SULT2A1: variants seen among roughly 807,000 people sequenced by gnomAD.
SULT2A1 encodes sulfotransferase family 2A member 1.
SULT2A1 carries 43 observed loss-of-function variants against 33.9 expected under a neutral mutation model. The observed-to-expected ratio is 1.27, with a 90% CI of 1.00 to 1.64. The LOEUF is 1.64. Ranked by LOEUF, SULT2A1 falls within the 40% of genes most tolerant of loss-of-function variation. The pLI is 0.00. For missense variants in SULT2A1, 300 were observed against 335.1 expected (o/e 0.90, Z 0.82); for synonymous variants, 125 against 113.6 (o/e 1.10, Z -0.64).
intron 5 of SULT2A1, 151 bp from the exon 6 acceptor site, chr19:47,871,718 C>T: frequency 1.6e-6 from 1 of 618,060 alleles, no homozygotes; most frequent in African/African-American, 1.8e-5. Context: ...AGTTATTCAC[C>T]TAGCTGGAAA....
Position 47,884,107 on chromosome 19 carries a change from A to C in SULT2A1, c.137-322T>G, listed in dbSNP as rs185281703. Among the ~76,000 whole-genome samples, 422 of 150,698 alleles carry C rather than the reference A, an allele frequency of 2.8e-3. 3 individuals are homozygous for C. The highest frequency in any genetic ancestry group is 9.5e-3 in the African/African-American group (393 of 41,272). ...GCAACAGAGTGAGACTCAGTCTCAA[A>C]AAAAAAAACAAAAACAAAAACAAAA... On this transcript the variant is annotated intron_variant, in intron 1 of 5. Coordinates refer to ENST00000222002, the MANE Select transcript of SULT2A1 (RefSeq NM_003167.4).
intron 4 of SULT2A1, among the ~76,000 whole-genome samples, chr19:47,876,584 A>G (rs1968546065): frequency 6.6e-6 from 1 of 152,052 alleles, no homozygotes; most frequent in African/African-American, 2.4e-5. Flanking sequence ...AGCTTGGTCA[A>G]CGTGGTGAAA....
chr19:47,876,768 T>TAAA (rs34642376), intron 4 of SULT2A1, among the ~76,000 whole-genome samples: 36,139 of 84,878 alleles, frequency 0.43, 7,462 homozygotes, highest in East Asian at 0.58. Flanking sequence ...AGACTCTGTC[T>TAAA]AAAAAAAAAA....
rs954241085 is a variant in SULT2A1 at position 47,872,711 on chromosome 19, A to T, written c.746-1144T>A. ...TATTTTCTTTCTGTGGTGTATGTGT[A>T]TGGTATGTATCCCTAATATAGATAA... On this transcript the variant is annotated intron_variant, in intron 5 of 5. Coordinates refer to ENST00000222002, the MANE Select transcript of SULT2A1 (RefSeq NM_003167.4). 5.9e-5 allele frequency among the ~76,000 whole-genome samples: 9 copies of T among 151,270 alleles called. No individual in the cohort carries two copies. In the South Asian group the frequency reaches 1.9e-3, roughly 32 times the overall value.
At chr19:47,873,614 CTTTTTT>C (rs61271763) in intron 5 of SULT2A1, among the ~76,000 whole-genome samples, 18 of 62,106 alleles carry the variant, frequency 2.9e-4, no homozygotes, top group African/African-American at 1.4e-3. Context: ...GGACAGATCT[CTTTTTT>C]TTTTTTTTTT....
intron 3 of SULT2A1, 93 bp downstream of exon 3, chr19:47,881,991 C>G (rs1395759677): frequency 6.5e-7 from 1 of 1,547,378 alleles, no homozygotes; most frequent in East Asian, 2.3e-5. Context: ...CCTTTCAACC[C>G]ATGGGTTGGT....
intron 5 of SULT2A1, 106 bp from the exon 6 acceptor site, chr19:47,871,673 G>T: frequency 1.3e-6 from 1 of 745,178 alleles, no homozygotes. Context: ...AATGGCCGAT[G>T]GTTCGTGGTG....
At chr19:47,874,228 C>G (rs1474781865) in intron 5 of SULT2A1, among the ~76,000 whole-genome samples, 1 of 152,092 alleles carries the variant, frequency 6.6e-6, no homozygotes, top group Non-Finnish European at 1.5e-5. Flanking sequence ...GAGAAGTGTT[C>G]TGGGCGATGA....
rs1247329786 is a variant in SULT2A1, at chr19:47,883,714, G to A, written c.208C>T (p.Pro70Ser). 3 of 1,614,084 alleles carry A rather than the reference G, an allele frequency of 1.9e-6. No individual in the cohort carries two copies. The highest frequency in any genetic ancestry group is 1.3e-5 in the African/African-American group (1 of 75,032). ...ACCCAGGGTGATCGCTCCCAGATGG[G>A]CACAGATTGGATCCACTTGGCATCC... is the stretch of plus-strand genomic sequence containing the variant. Reference protein sequence around the residue: ...KGDAKWIQSVPIWERSPWVES... With the variant: ...KGDAKWIQSVSIWERSPWVES... Residue 70 changes from proline to serine, a missense_variant, in exon 2 of 6, where the codon CCC (proline) becomes TCC (serine). Coordinates refer to ENST00000222002, the MANE Select transcript of SULT2A1 (RefSeq NM_003167.4).
chr19:47,886,180 T>C lies in SULT2A1; in HGVS notation c.78A>G (p.Val26=), dbSNP rs1968654917. 6.2e-7 allele frequency: 1 copy of C among 1,614,016 alleles called. No individual in the cohort carries two copies. The highest frequency in any genetic ancestry group is 1.3e-5 in the African/African-American group (1 of 74,928). Reference sequence around the variant, plus strand: ...CATCCCTTATCACGAACTCATCACGTACTTTTCTTAAGGTTTCGGATCTGA... The same window carrying C: ...CATCCCTTATCACGAACTCATCACGCACTTTTCTTAAGGTTTCGGATCTGA... ...MGFRSETLRK[V]RDEFVIRDED... The change falls in exon 1 of 6, where the codon GTA becomes GTG. Residue 26 remains valine (V), a synonymous_variant. Transcript: ENST00000222002.
chr19:47,877,552 CTT>C (rs565116311), intron 4 of SULT2A1, among the ~76,000 whole-genome samples: 67 of 137,306 alleles, frequency 4.9e-4, no homozygotes, highest in Non-Finnish European at 4.3e-4. Flanking sequence ...CTTTTTCTTT[CTT>C]TTTTTTTTTT....
chr19:47,872,747 G>A (rs907641331), intron 5 of SULT2A1, among the ~76,000 whole-genome samples: 7 of 149,922 alleles, frequency 4.7e-5, no homozygotes, highest in East Asian at 1.9e-4. Flanking sequence ...GTTATACAAA[G>A]TCTCAGCATT....
intron 3 of SULT2A1, among the ~76,000 whole-genome samples, chr19:47,880,477 C>T (rs1007439937): frequency 1.3e-5 from 2 of 151,876 alleles, no homozygotes; most frequent in African/African-American, 4.8e-5. Flanking sequence ...TTAACATATT[C>T]ATTTCCTCAT....
At chr19:47,878,112 A>C (rs982316663) in intron 4 of SULT2A1, among the ~76,000 whole-genome samples, 2 of 152,134 alleles carry the variant, frequency 1.3e-5, no homozygotes, top group Non-Finnish European at 2.9e-5. Context: ...TCACCCAGAG[A>C]AATGTTTACA....
intron 2 of SULT2A1, 145 bp from the exon 3 acceptor site, chr19:47,882,355 A>T: frequency 9.8e-7 from 1 of 1,015,470 alleles, no homozygotes; most frequent in Non-Finnish European, 1.4e-6. Context: ...TACTGCACTC[A>T]CTAATCAAAT....
chr19:47,877,710 C>T (rs774963991), intron 4 of SULT2A1, among the ~76,000 whole-genome samples: 8 of 151,616 alleles, frequency 5.3e-5, no homozygotes, highest in Non-Finnish European at 1.0e-4. Flanking sequence ...CCACCATGCC[C>T]GGCTAATTTT....
Position 47,873,627 on chromosome 19 carries a change from T to C in SULT2A1, c.745+1030A>G, listed in dbSNP as rs981366391. On this transcript the variant is annotated intron_variant, in intron 5 of 5. Transcript: ENST00000222002. ...CAGGACAGATCTCTTTTTTTTTTTT[T>C]TTTTTTTTTTTTTTGAGACGGAGTC... Among the ~76,000 whole-genome samples the C allele has an allele frequency of 4.7e-4, 60 of 127,254 alleles. 1 individual carries two copies. Among genetic ancestry groups the C allele is most frequent in the Non-Finnish European group, 7.0e-4 (42 of 60,404 alleles). 83.5% of individuals were successfully genotyped at this position (127,254 alleles called of 152,430 possible). A position where few individuals can be genotyped will look rare whatever the true frequency, so the allele number is the denominator to read the frequency against.
chr19:47,877,101 C>T (rs1968553744), intron 4 of SULT2A1, among the ~76,000 whole-genome samples: 1 of 145,946 alleles, frequency 6.9e-6, no homozygotes, highest in African/African-American at 2.5e-5. Context: ...AAAAGAAATT[C>T]ATGCCCAGAC....
intron 3 of SULT2A1, among the ~76,000 whole-genome samples, chr19:47,879,518 C>T (rs754505480): frequency 2.3e-4 from 35 of 151,960 alleles, no homozygotes; most frequent in Admixed American, 4.6e-4. Flanking sequence ...GGAGTGAGTG[C>T]CAGCAGGGGA....
Sources: allele counts gnomAD v4.1 joint callset (sites outside exome capture counted in the v4.1 genomes callset), GRCh38; gene constraint gnomAD v4.1.1; transcripts MANE v1.5; gene names NCBI Gene and HGNC (gene_info 2026-07-23, HGNC 2026-07-21).